Variants in LURAP1L observed in about 807,000 individuals in gnomAD.
LURAP1L encodes the protein leucine rich adaptor protein 1-like.
A neutral mutation model predicts 13.8 loss-of-function variants in LURAP1L; 12 were observed. The observed-to-expected ratio is 0.87, with a 90% CI of 0.56 to 1.41. LURAP1L has a LOEUF of 1.41. Among genes scored for constraint, LURAP1L ranks in the 40% most tolerant of loss-of-function variants. The pLI, the probability that LURAP1L is intolerant of heterozygous loss-of-function variation, is 0.00. For synonymous variants in LURAP1L, 139 were observed against 119.2 expected, an observed-to-expected ratio of 1.17 and a Z score of -1.08; for missense variants, 375 against 292.9, an observed-to-expected ratio of 1.28 and a Z score of -2.04.
chr9:12,799,013 G>A (rs1167763502), intron 1 of LURAP1L, among the ~76,000 whole-genome samples: 1 of 152,070 alleles, frequency 6.6e-6, no homozygotes, highest in African/African-American at 2.4e-5. Flanking sequence ...GTCCTAAACT[G>A]TCATCAGAAA....
chr9:12,817,371 T>C (rs866480449), intron 1 of LURAP1L, among the ~76,000 whole-genome samples: 4 of 152,206 alleles, frequency 2.6e-5, no homozygotes, highest in Admixed American at 1.3e-4. Flanking sequence ...GGTTTTGGCA[T>C]AGAGTGGTGA....
chr9:12,799,724 C>G (rs1819558530), intron 1 of LURAP1L, among the ~76,000 whole-genome samples: 2 of 151,908 alleles, frequency 1.3e-5, no homozygotes, highest in Non-Finnish European at 2.9e-5. Flanking sequence ...ACTAAAAATA[C>G]AAAAATTAGC....
At chr9:12,795,587 A>C (rs1819501536) in intron 1 of LURAP1L, among the ~76,000 whole-genome samples, 1 of 152,004 alleles carries the variant, frequency 6.6e-6, no homozygotes, top group African/African-American at 2.4e-5. Context: ...GTTGGAGTTA[A>C]TGAGAACAAG....
At chr9:12,815,528 G>C (rs1819793517) in intron 1 of LURAP1L, among the ~76,000 whole-genome samples, 1 of 152,074 alleles carries the variant, frequency 6.6e-6, no homozygotes, top group Admixed American at 6.6e-5. Context: ...TGTGACTATG[G>C]ACTTGCAAAG....
At chr9:12,787,150 A>G (rs1404681479) in intron 1 of LURAP1L, among the ~76,000 whole-genome samples, 1 of 152,120 alleles carries the variant, frequency 6.6e-6, no homozygotes. Flanking sequence ...CCTCTTTCCA[A>G]TTCCTATTCC....
intron 1 of LURAP1L, among the ~76,000 whole-genome samples, chr9:12,786,916 G>C (rs1259511255): frequency 6.6e-6 from 1 of 151,818 alleles, no homozygotes; most frequent in Non-Finnish European, 1.5e-5. Context: ...TGATACAATT[G>C]GACCCATCAT....
intron 1 of LURAP1L, chr9:12,777,504 C>G: frequency 1.0e-6 from 1 of 984,054 alleles, no homozygotes; most frequent in East Asian, 1.1e-4. Context: ...TATTCCTAAC[C>G]ATGTCTTCTG....
chr9:12,809,841 C>T (rs2118533294), intron 1 of LURAP1L, among the ~76,000 whole-genome samples: 1 of 152,266 alleles, frequency 6.6e-6, no homozygotes, highest in Admixed American at 6.5e-5. Context: ...TTGCTTTTGT[C>T]TACTCTATTG....
intron 1 of LURAP1L, among the ~76,000 whole-genome samples, chr9:12,782,339 T>C (rs1219222970): frequency 6.6e-6 from 1 of 152,230 alleles, no homozygotes; most frequent in African/African-American, 2.4e-5. Context: ...TCCAGAGCAA[T>C]GTTATAGAGA....
intron 1 of LURAP1L, among the ~76,000 whole-genome samples, chr9:12,810,691 A>G (rs1819724883): frequency 1.3e-5 from 2 of 152,328 alleles, no homozygotes; most frequent in Admixed American, 1.3e-4. Context: ...AGCCATTTTA[A>G]AAAGCTAAGA....
In LURAP1L at chr9:12,786,207, G is replaced by A. The variant is rs992113451; in HGVS notation, c.312+10180G>A. ...AGATAATATAAGCAAATTACTGACA[G>A]AGCTTAAGAAATTCTTATCTAGTCA... On this transcript the variant is annotated intron_variant, in intron 1 of 1. Coordinates refer to ENST00000319264, the MANE Select transcript of LURAP1L (RefSeq NM_203403.2). Among the ~76,000 whole-genome samples the A allele has an allele frequency of 3.9e-5, 6 of 151,986 alleles. No homozygotes were observed. The South Asian group carries it at 8.3e-4, about 21-fold the overall frequency.
chr9:12,777,340 C>T lies in LURAP1L; in HGVS notation c.312+1313C>T, dbSNP rs922150358. Reference sequence around the variant, plus strand: ...CCAACAGGTCAGGGGATGCCTGATACCGTATCACAAAGATCAGACATACGT... The same window carrying T: ...CCAACAGGTCAGGGGATGCCTGATATCGTATCACAAAGATCAGACATACGT... On this transcript the variant is annotated intron_variant, in intron 1 of 1. Transcript: ENST00000319264. The T allele has an allele frequency of 1.3e-5, 13 of 985,174 alleles. No individual in the cohort carries two copies. The South Asian group carries it at 4.7e-4, about 36-fold the overall frequency. The allele number at this position is 985,174 out of a possible 1,614,324, so 61.0% of individuals were successfully genotyped here.
chr9:12,803,112 C>A (rs553588626), intron 1 of LURAP1L, among the ~76,000 whole-genome samples: 17 of 152,322 alleles, frequency 1.1e-4, no homozygotes, highest in African/African-American at 3.8e-4. Context: ...CCATGTGCCA[C>A]TTTAGAAACT....
chr9:12,820,351 A>G (rs1238633364), intron 1 of LURAP1L, among the ~76,000 whole-genome samples: 4 of 151,876 alleles, frequency 2.6e-5, no homozygotes, highest in African/African-American at 9.7e-5. Context: ...AAAAATACAA[A>G]AATTAGCCGG....
chr9:12,799,472 T>C (rs1055027439), intron 1 of LURAP1L, among the ~76,000 whole-genome samples: 5 of 152,220 alleles, frequency 3.3e-5, no homozygotes, highest in Non-Finnish European at 7.3e-5. Context: ...TAAAACCATA[T>C]ATAAATAATC....
At chr9:12,788,148 GAAGA>G (rs35187096) in intron 1 of LURAP1L, among the ~76,000 whole-genome samples, 8,216 of 117,316 alleles carry the variant, frequency 0.07, 384 homozygotes, top group East Asian at 0.3. Context: ...GAAAGAGAAA[GAAGA>G]AAGAAAGAAA....
chr9:12,790,169 G>A (rs930202372), intron 1 of LURAP1L, among the ~76,000 whole-genome samples: 1 of 151,984 alleles, frequency 6.6e-6, no homozygotes, highest in Non-Finnish European at 1.5e-5. Context: ...AAAGTCTGTG[G>A]ACAAAATTCT....
intron 1 of LURAP1L, among the ~76,000 whole-genome samples, chr9:12,787,028 G>T (rs983532308): frequency 1.3e-5 from 2 of 152,056 alleles, no homozygotes; most frequent in Non-Finnish European, 2.9e-5. Flanking sequence ...TTTGACACAA[G>T]CATCTGTAAC....
intron 1 of LURAP1L, among the ~76,000 whole-genome samples, chr9:12,786,581 T>TATAAAC (rs61134838): frequency 1.2e-4 from 14 of 121,444 alleles, no homozygotes; most frequent in East Asian, 5.6e-4. Flanking sequence ...TATATATATA[T>TATAAAC]AAACCCTTGT....
Sources: gnomAD v4.1 joint callset for allele counts (sites outside exome capture counted in the v4.1 genomes callset) on GRCh38, gnomAD v4.1.1 for gene constraint, MANE v1.5 for transcripts, NCBI Gene and HGNC (gene_info 2026-07-23, HGNC 2026-07-21) for gene names.